Variants in MRTFA observed in about 807,000 individuals in gnomAD.
MRTFA encodes myocardin-related transcription factor A.
MRTFA carries 20 observed loss-of-function variants against 83.5 expected under a neutral mutation model. That is an observed-to-expected ratio of 0.24 (90% CI 0.17 to 0.35). The LOEUF (loss-of-function observed/expected upper bound fraction) is 0.35, where lower values mean the gene tolerates loss of function less well. MRTFA is among the 10% of genes least tolerant of loss of function. The pLI is 1.00. For missense variants in MRTFA, 1,200 were observed against 1,224.7 expected, an observed-to-expected ratio of 0.98 and a Z score of 0.30; for synonymous variants, 659 against 541.2, an observed-to-expected ratio of 1.22 and a Z score of -3.02.
intron 7 of MRTFA, among the ~76,000 whole-genome samples, chr22:40,427,312 C>A (rs1049013969): frequency 2.0e-5 from 3 of 152,160 alleles, no homozygotes; most frequent in African/African-American, 4.8e-5. Context: ...GGGGAAAGGG[C>A]TCCTCCGGGC....
At chr22:40,505,734 G>T (rs769478568) in intron 3 of MRTFA, among the ~76,000 whole-genome samples, 1 of 152,144 alleles carries the variant, frequency 6.6e-6, no homozygotes, top group Non-Finnish European at 1.5e-5. Context: ...AGGACACAGC[G>T]TTCTTCTTCC....
intron 2 of MRTFA, among the ~76,000 whole-genome samples, chr22:40,553,312 T>TG (rs1381854388): frequency 6.6e-6 from 1 of 151,842 alleles, no homozygotes; most frequent in Non-Finnish European, 1.5e-5. Context: ...ACCAAGACAA[T>TG]GGGGAAAACG....
chr22:40,546,598 C>T (rs1376315094), intron 3 of MRTFA, among the ~76,000 whole-genome samples: 1 of 152,194 alleles, frequency 6.6e-6, no homozygotes, highest in Admixed American at 6.5e-5. Context: ...AGCCATAAAG[C>T]AGTTGAGTCT....
intron 3 of MRTFA, among the ~76,000 whole-genome samples, chr22:40,478,872 C>T (rs1232336573): frequency 6.6e-6 from 1 of 152,100 alleles, no homozygotes; most frequent in Non-Finnish European, 1.5e-5. Context: ...CCAGGAGGAG[C>T]CCTAGCTGCT....
At chr22:40,597,122 G>C (rs1021573862) in intron 1 of MRTFA, among the ~76,000 whole-genome samples, 1 of 152,176 alleles carries the variant, frequency 6.6e-6, no homozygotes, top group South Asian at 2.1e-4. Context: ...GTCTGAACAA[G>C]AATCATCTTT....
chr22:40,530,601 A>G (rs2055061996), intron 3 of MRTFA, among the ~76,000 whole-genome samples: 2 of 152,246 alleles, frequency 1.3e-5, no homozygotes, highest in Non-Finnish European at 2.9e-5. Flanking sequence ...CCGGCCCCAT[A>G]ATGTCCATCT....
chr22:40,494,942 T>C (rs1229117616), intron 3 of MRTFA, among the ~76,000 whole-genome samples: 4 of 152,154 alleles, frequency 2.6e-5, no homozygotes, highest in East Asian at 3.8e-4. Flanking sequence ...TCTATATGTC[T>C]TGATAAAAGG....
At chr22:40,558,781 TG>T (rs924083553) in intron 2 of MRTFA, among the ~76,000 whole-genome samples, 2 of 143,560 alleles carry the variant, frequency 1.4e-5, no homozygotes, top group African/African-American at 2.6e-5. Context: ...TTGTTTTTTT[TG>T]GGGGGGTTTT....
Position 40,597,889 on chromosome 22 carries a change from T to C in MRTFA, c.-83-3154A>G, listed in dbSNP as rs5758019. Among the ~76,000 whole-genome samples, 229 of 152,364 alleles carry C rather than the reference T, an allele frequency of 1.5e-3. 6 individuals are homozygous for C. In the East Asian group the frequency reaches 0.034, roughly 23 times the overall value. ...ATGGCTTGGAACTTAAAAAATGTTC[T>C]AATGTGCTAGTTTGTCCACATATTA... is the stretch of plus-strand genomic sequence containing the variant. On this transcript the variant is annotated intron_variant, in intron 1 of 14. Coordinates refer to ENST00000355630, the MANE Select transcript of MRTFA (RefSeq NM_020831.6).
intron 8 of MRTFA, 36 bp from the exon 9 acceptor site, chr22:40,423,721 C>A: frequency 6.7e-7 from 1 of 1,494,828 alleles, no homozygotes; most frequent in Non-Finnish European, 9.0e-7. Flanking sequence ...ACATGGCCAC[C>A]TCCAGGTAGG....
intron 3 of MRTFA, among the ~76,000 whole-genome samples, chr22:40,498,417 G>A (rs567757292): frequency 2.0e-5 from 3 of 147,972 alleles, no homozygotes; most frequent in Admixed American, 6.8e-5. Context: ...CCCAAGTAGC[G>A]GGGACTAAGG....
chr22:40,482,045 G>T (rs754077971), intron 3 of MRTFA, among the ~76,000 whole-genome samples: 2 of 148,968 alleles, frequency 1.3e-5, no homozygotes, highest in South Asian at 4.2e-4. Flanking sequence ...GGGTGACACA[G>T]CAAGACTCCC....
chr22:40,514,850 G>T (rs897518224), intron 3 of MRTFA, among the ~76,000 whole-genome samples: 30 of 151,754 alleles, frequency 2.0e-4, no homozygotes, highest in African/African-American at 6.5e-4. Context: ...GAAATAGTTG[G>T]GTTGAAGGAC....
At chr22:40,546,880 G>A (rs2055372492) in intron 3 of MRTFA, among the ~76,000 whole-genome samples, 1 of 152,168 alleles carries the variant, frequency 6.6e-6, no homozygotes, top group Non-Finnish European at 1.5e-5. Flanking sequence ...TTATTGCCAG[G>A]CGCGGTGGAT....
chr22:40,596,661 G>T (rs1202357147), intron 1 of MRTFA, among the ~76,000 whole-genome samples: 1 of 152,144 alleles, frequency 6.6e-6, no homozygotes, highest in Non-Finnish European at 1.5e-5. Flanking sequence ...ACAAAAATTA[G>T]CTGGGCGTGG....
At chr22:40,592,366 C>G (rs941123787) in intron 2 of MRTFA, among the ~76,000 whole-genome samples, 1 of 151,196 alleles carries the variant, frequency 6.6e-6, no homozygotes, top group Non-Finnish European at 1.5e-5. Flanking sequence ...AAGGATCACT[C>G]GAACCCAGGA....
chr22:40,547,144 G>C (rs2055377436), intron 3 of MRTFA, among the ~76,000 whole-genome samples: 2 of 151,830 alleles, frequency 1.3e-5, no homozygotes, highest in Admixed American at 6.6e-5. Context: ...GACAGAGTGA[G>C]ACTCCATCTC....
At chr22:40,498,280 T>TATATATATATATATAAATATATATATATA (rs1602339571) in intron 3 of MRTFA, among the ~76,000 whole-genome samples, 6 of 100,380 alleles carry the variant, frequency 6.0e-5, no homozygotes, top group Non-Finnish European at 1.3e-4. Flanking sequence ...TATATTTTTT[T>TATATATATATATATAAATATATATATATA]TTTTTTTTTT....
At chr22:40,600,868 C>T (rs1189271033) in intron 1 of MRTFA, among the ~76,000 whole-genome samples, 2 of 152,174 alleles carry the variant, frequency 1.3e-5, no homozygotes, top group African/African-American at 2.4e-5. Context: ...GTCCCAGCTA[C>T]TCAGATGGCT....
Sources: gnomAD v4.1 joint callset for allele counts (sites outside exome capture counted in the v4.1 genomes callset) on GRCh38, gnomAD v4.1.1 for gene constraint, MANE v1.5 for transcripts, NCBI Gene and HGNC (gene_info 2026-07-23, HGNC 2026-07-21) for gene names.